The following AKT2 variants were observed in gnomAD, a reference collection of about 807,000 sequenced individuals.
The protein encoded by AKT2 is AKT serine/threonine kinase 2.
A neutral mutation model predicts 58.6 loss-of-function variants in AKT2; 16 were observed. The ratio of observed to expected loss-of-function variants is 0.27; its 90% confidence interval spans 0.18 to 0.41. The LOEUF (loss-of-function observed/expected upper bound fraction) is 0.41, where lower values mean the gene tolerates loss of function less well. Among genes scored for constraint, AKT2 ranks in the 10% least tolerant of loss-of-function variants. The pLI, the probability that AKT2 is intolerant of heterozygous loss-of-function variation, is 1.00. For missense variants in AKT2, 438 were observed against 661.0 expected, an observed-to-expected ratio of 0.66 and a Z score of 3.70; for synonymous variants, 253 against 254.0, an observed-to-expected ratio of 1.00 and a Z score of 0.04.
chr19:40,233,636 GC>G lies in AKT2; in HGVS notation c.*235del. ...CAACCGCCCAACAGCCCAGGCCTGG[GC>G]GGGAGGTGGAGTCTTCCAAATGCGA... is the stretch of plus-strand genomic sequence containing the variant. On this transcript the variant is annotated 3_prime_UTR_variant, in exon 14 of 14. Coordinates refer to ENST00000392038, the MANE Select transcript of AKT2 (RefSeq NM_001626.6). The surrounding 1 kb of genome is among the most constrained non-coding windows in gnomAD (Gnocchi z 4.3). 3 of 753,984 alleles carry G rather than the reference GC, an allele frequency of 4.0e-6. No individual in the cohort carries two copies. The highest frequency in any genetic ancestry group is 4.9e-6 in the Non-Finnish European group (2 of 410,928). 46.7% of individuals were successfully genotyped at this position (753,984 alleles called of 1,614,324 possible).
intron 1 of AKT2, among the ~76,000 whole-genome samples, chr19:40,267,503 G>C (rs1307007638): frequency 6.6e-6 from 1 of 152,132 alleles, no homozygotes; most frequent in African/African-American, 2.4e-5. Flanking sequence ...CTAAACCAGT[G>C]CCTCCTCCAG....
intron 1 of AKT2, chr19:40,268,695 G>C (rs1976526901): frequency 6.6e-6 from 1 of 152,652 alleles, no homozygotes; most frequent in African/African-American, 2.4e-5. Flanking sequence ...GCTGGAGGGA[G>C]AGCAGGGGGA....
rs3730050 is a variant in AKT2 at position 40,265,075 on chromosome 19, T to C, written c.46+147A>G. 847,981 of 1,193,186 alleles carry C rather than the reference T, an allele frequency of 0.71. 302,724 individuals are homozygous for C. Among genetic ancestry groups the C allele is most frequent in the African/African-American group, 0.8 (52,667 of 66,178 alleles). 73.9% of individuals were successfully genotyped at this position (1,193,186 alleles called of 1,614,324 possible). Reference sequence around the variant, plus strand: ...ATGACCACTGAAGGAGTCCACGAAATGGGGGCATAAGCAGCTGTGGGCCTG... The same window carrying C: ...ATGACCACTGAAGGAGTCCACGAAACGGGGGCATAAGCAGCTGTGGGCCTG... On this transcript the variant is annotated intron_variant, in intron 2 of 13. Transcript: ENST00000392038.
chr19:40,237,990 G>T lies in AKT2; in HGVS notation c.810C>A (p.Asp270Glu), dbSNP rs150206349. The T allele has an allele frequency of 6.2e-7, 1 of 1,613,598 alleles. No homozygotes were observed. Among genetic ancestry groups the T allele is most frequent in the Middle Eastern group, 1.7e-4 (1 of 6,058 alleles). Residue 270 changes from aspartate (D) to glutamate (E), a missense_variant, in exon 9 of 14, where the codon GAC becomes GAA. By Grantham distance (45) the Asp-to-Glu change is conservative. Around this residue, in one of 3 missense-constraint regions of AKT2, gnomAD observed 46 missense variants for 114.5 expected, o/e 0.40. Coordinates refer to ENST00000392038, the MANE Select transcript of AKT2 (RefSeq NM_001626.6). This position sits in a 1 kb window ranked among gnomAD's most constrained non-coding sequence, Gnocchi z 4.5. ...VSALEYLHSR[D>E]VVYRDIKLEN... ...TAACCTTGATGTCGCGGTATACCAC[G>T]TCCCGCGAGTGCAAGTACTCAAGAG...
intron 2 of AKT2, among the ~76,000 whole-genome samples, chr19:40,258,274 A>C (rs1053800313): frequency 6.6e-6 from 1 of 151,712 alleles, no homozygotes; most frequent in Non-Finnish European, 1.5e-5. Context: ...CAAAAAAAAA[A>C]ACCTGAGTAT....
chr19:40,235,409 G>C lies in AKT2; in HGVS notation c.1176-59C>G, dbSNP rs1319165541. 6.6e-7 allele frequency: 1 copy of C among 1,524,596 alleles called. No individual in the cohort carries two copies. The allele number at this position is 1,524,596 out of a possible 1,614,324, so 94.4% of individuals were successfully genotyped here. ...GGAGCAGCTGGGTTCGGGCAGACGG[G>C]CTTTCGGAGCAGGCAGGCCCTGTAT... On this transcript the variant is annotated intron_variant, in intron 11 of 13. Transcript: ENST00000392038. This position sits in a 1 kb window ranked among gnomAD's most constrained non-coding sequence, Gnocchi z 6.3.
intron 1 of AKT2, among the ~76,000 whole-genome samples, chr19:40,271,753 G>C (rs2077220397): frequency 6.6e-6 from 1 of 152,214 alleles, no homozygotes; most frequent in African/African-American, 2.4e-5. Flanking sequence ...GAGAATCCCT[G>C]ATGTGGGGAC....
At chr19:40,275,099 T>C (rs1275612815) in intron 1 of AKT2, 2 of 456,704 alleles carry the variant, frequency 4.4e-6, no homozygotes, top group Non-Finnish European at 8.8e-6. Flanking sequence ...ATTCGGTGAA[T>C]ACCCACAGCG....
rs1282640194 is a variant in AKT2, at chr19:40,253,680, C to T, written c.287+1478G>A. On this transcript the variant is annotated intron_variant, in intron 4 of 13. Transcript: ENST00000392038. ...CCACAAACTTATTTTCCCTGTGCCT[C>T]GGCAATCCTGCATCTAAGCACTCGT... is the stretch of plus-strand genomic sequence containing the variant. Among the ~76,000 whole-genome samples, 7 of 152,154 alleles carry T rather than the reference C, an allele frequency of 4.6e-5. No homozygotes were observed. The South Asian group carries it at 6.2e-4, about 14-fold the overall frequency.
At chr19:40,261,470 T>C (rs1975943768) in intron 2 of AKT2, among the ~76,000 whole-genome samples, 1 of 151,502 alleles carries the variant, frequency 6.6e-6, no homozygotes, top group Non-Finnish European at 1.5e-5. Flanking sequence ...GAGGCAGAGG[T>C]TGCAGTGAGC....
intron 1 of AKT2, among the ~76,000 whole-genome samples, chr19:40,277,987 C>T (rs968002217): frequency 6.6e-6 from 1 of 152,188 alleles, no homozygotes; most frequent in African/African-American, 2.4e-5. Context: ...ATCTCTTCCC[C>T]CTGGGCCCCC....
rs1975451481 is a variant in AKT2, at chr19:40,255,202, G to C, written c.243C>G (p.Thr81=). The C allele has an allele frequency of 6.2e-7, 1 of 1,614,128 alleles. No homozygotes were observed. ...CGTGGAAGGTCCTCTCGATGACTGT[G>C]GTCCACTGCAGGCAGCGTATGACAA... is the stretch of plus-strand genomic sequence containing the variant. ...NTFVIRCLQW[T]TVIERTFHVD... is the part of the protein sequence containing the mutation. Residue 81 remains threonine (T), a synonymous_variant, in exon 4 of 14, where the codon ACC becomes ACG. Coordinates refer to ENST00000392038, the MANE Select transcript of AKT2 (RefSeq NM_001626.6).
Position 40,256,899 on chromosome 19 carries a change from C to T in AKT2, c.175+27G>A, listed in dbSNP as rs574700723. On this transcript the variant is annotated intron_variant, in intron 3 of 13. Transcript: ENST00000392038. The stretch of plus-strand genomic sequence containing the variant: ...GCCAGCCATCCTGTGAGCACCAGAA[C>T]ACTGACCCACTCATCCCAAGACACA... The T allele has an allele frequency of 6.8e-6, 11 of 1,613,820 alleles. No homozygotes were observed. In the East Asian group the frequency reaches 2.5e-4, roughly 36 times the overall value.
rs1374843025 is a variant in AKT2, at chr19:40,242,490, G to A, written c.441+44C>T. Reference sequence around the variant, plus strand: ...GAGAGCAGGCCAGCACTGGGGGTGGGGGCACCGCAGGCTGGCAGCCCCACC... The same window carrying A: ...GAGAGCAGGCCAGCACTGGGGGTGGAGGCACCGCAGGCTGGCAGCCCCACC... On this transcript the variant is annotated intron_variant, in intron 5 of 13. Coordinates refer to ENST00000392038, the MANE Select transcript of AKT2 (RefSeq NM_001626.6). This position sits in a 1 kb window ranked among gnomAD's most constrained non-coding sequence, Gnocchi z 4.3. The A allele has an allele frequency of 5.6e-6, 9 of 1,610,988 alleles. No homozygotes were observed. In the East Asian group the frequency reaches 2.0e-4, roughly 36 times the overall value.
chr19:40,241,893 G>A (rs752654434), intron 6 of AKT2, 45 bp downstream of exon 6: 18 of 1,612,472 alleles, frequency 1.1e-5, no homozygotes, highest in East Asian at 4.5e-5. Flanking sequence ...GCTCCAGACC[G>A]CAGCCCCCAC....
At chr19:40,254,101 G>A (rs1975365286) in intron 4 of AKT2, among the ~76,000 whole-genome samples, 1 of 152,050 alleles carries the variant, frequency 6.6e-6, no homozygotes, top group Non-Finnish European at 1.5e-5. Flanking sequence ...GGTAGGGGAA[G>A]CTCCCACTAG....
Position 40,233,890 on chromosome 19 carries a change from C to T in AKT2, c.1428G>A (p.Ser476=), listed in dbSNP as rs763037425. The change falls in exon 14 of 14, where the codon TCG becomes TCA. Residue 476 remains serine, a synonymous_variant. Transcript: ENST00000392038. The surrounding 1 kb of genome is among the most constrained non-coding windows in gnomAD (Gnocchi z 4.3). ...QRTHFPQFSY[S]ASIRE The stretch of plus-strand genomic sequence containing the variant: ...AGACTGCTCACTCGCGGATGCTGGC[C>T]GAGTAGGAGAACTGGGGGAAGTGGG... The T allele has an allele frequency of 2.0e-5, 33 of 1,611,768 alleles. No homozygotes were observed. The South Asian group carries it at 2.4e-4, about 12-fold the overall frequency.
chr19:40,236,607 A>G, intron 9 of AKT2: 1 of 617,104 alleles, frequency 1.6e-6, no homozygotes, highest in Non-Finnish European at 2.8e-6. Flanking sequence ...ACAGCTGGGC[A>G]GGGAGAGCCG....
At chr19:40,252,121 C>T (rs1275125074) in intron 4 of AKT2, among the ~76,000 whole-genome samples, 1 of 152,146 alleles carries the variant, frequency 6.6e-6, no homozygotes, top group Non-Finnish European at 1.5e-5. Flanking sequence ...ACCCACCTGC[C>T]CTGCAACCCC....
Sources: gnomAD v4.1 joint callset for allele counts (sites outside exome capture counted in the v4.1 genomes callset) on GRCh38, gnomAD v4.1.1 for gene constraint, gnomAD v4.1.1 regional missense constraint, Gnocchi (gnomAD v3.1) non-coding constraint, MANE v1.5 for transcripts, NCBI Gene and HGNC (gene_info 2026-07-23, HGNC 2026-07-21) for gene names.